LRRK1: variants seen among roughly 807,000 people sequenced by gnomAD.
The protein encoded by LRRK1 is leucine rich repeat kinase 1, also known as leucine-rich repeat serine/threonine-protein kinase 1.
A neutral mutation model predicts 209.1 loss-of-function variants in LRRK1; 113 were observed. The ratio of observed to expected loss-of-function variants is 0.54; its 90% CI spans 0.46 to 0.63. The LOEUF is 0.63. Among genes scored for constraint, LRRK1 ranks in the 30% least tolerant of loss-of-function variants. LRRK1 has a pLI of 0.00. For missense variants in LRRK1, 2,284 were observed against 2,632.2 expected (o/e 0.87, Z 2.89); for synonymous variants, 1,144 against 1,099.7 (o/e 1.04, Z -0.80).
chr15:101,025,577 G>A (rs1259283630), intron 16 of LRRK1, among the ~76,000 whole-genome samples: 2 of 152,350 alleles, frequency 1.3e-5, no homozygotes, highest in East Asian at 3.9e-4. Flanking sequence ...TTTAGTCATG[G>A]CAGAAGGGAA....
intron 31 of LRRK1, 48 bp downstream of exon 31, chr15:101,062,738 C>T (rs751811289): frequency 1.1e-5 from 15 of 1,362,990 alleles, no homozygotes; most frequent in South Asian, 1.0e-4. Context: ...TGCACTTCCA[C>T]GCCTAGGAGG....
intron 3 of LRRK1, among the ~76,000 whole-genome samples, chr15:100,975,733 C>T (rs1166548677): frequency 1.3e-5 from 2 of 152,072 alleles, no homozygotes; most frequent in Non-Finnish European, 2.9e-5. Flanking sequence ...TGACAAAGAG[C>T]TTTTACAAAT....
chr15:100,925,627 C>T (rs1459825281), intron 2 of LRRK1, among the ~76,000 whole-genome samples: 1 of 152,232 alleles, frequency 6.6e-6, no homozygotes, highest in African/African-American at 2.4e-5. Context: ...CTTGCACCAC[C>T]TTTAAGACCA....
intron 31 of LRRK1, among the ~76,000 whole-genome samples, chr15:101,063,439 C>A (rs754663224): frequency 6.6e-6 from 1 of 152,206 alleles, no homozygotes; most frequent in African/African-American, 2.4e-5. Flanking sequence ...TCTCAAGACC[C>A]GGGGCCTTGT....
intron 31 of LRRK1, among the ~76,000 whole-genome samples, chr15:101,063,205 C>A (rs1341745204): frequency 6.6e-6 from 1 of 152,228 alleles, no homozygotes; most frequent in East Asian, 1.9e-4. Context: ...CTAGCCCTGG[C>A]CTTTCTAAAT....
chr15:100,968,867 G>A (rs12915933), intron 2 of LRRK1, among the ~76,000 whole-genome samples: 95,911 of 148,314 alleles, frequency 0.65, 31,435 homozygotes, highest in South Asian at 0.72. Flanking sequence ...ACAGGGTCTT[G>A]TTCTGTCACC....
intron 6 of LRRK1, among the ~76,000 whole-genome samples, chr15:101,006,640 T>TATC (rs529728300): frequency 2.9e-5 from 3 of 102,440 alleles, no homozygotes; most frequent in African/African-American, 1.9e-4. Flanking sequence ...TGTAGAAAAA[T>TATC]ATTATTCTTC....
chr15:100,924,325 C>G (rs2042070150), intron 1 of LRRK1, among the ~76,000 whole-genome samples, 186 bp from the exon 2 acceptor site: 1 of 152,142 alleles, frequency 6.6e-6, no homozygotes, highest in Non-Finnish European at 1.5e-5. Flanking sequence ...TACCTGAGCC[C>G]CGCATCAAGA....
At position 101,075,828 on chromosome 15, in the gene LRRK1, C is replaced by A. The variant is rs562278173; in HGVS notation, c.*6980C>A. ...TACTATTCCTTTGCACCCTTCATCC[C>A]AGCCTCTCTTCACTTTCACTTGGAC... On this transcript the variant is annotated 3_prime_UTR_variant, in exon 34 of 34. Coordinates refer to ENST00000388948, the MANE Select transcript of LRRK1 (RefSeq NM_024652.6). 6.6e-6 allele frequency: 1 copy of A among 152,266 alleles called. No homozygotes were observed. Among genetic ancestry groups the A allele is most frequent in the Admixed American group, 6.5e-5 (1 of 15,306 alleles). 9.4% of individuals were successfully genotyped at this position (152,266 alleles called of 1,614,324 possible). A position where few individuals can be genotyped will look rare whatever the true frequency, so the allele number is the denominator to read the frequency against.
At chr15:100,985,525 G>T (rs1003246266) in intron 4 of LRRK1, among the ~76,000 whole-genome samples, 1 of 152,134 alleles carries the variant, frequency 6.6e-6, no homozygotes, top group East Asian at 1.9e-4. Flanking sequence ...GTATTTTTAC[G>T]CAGAGGTCTG....
chr15:100,935,165 G>T (rs1386673565), intron 2 of LRRK1, among the ~76,000 whole-genome samples: 1 of 152,206 alleles, frequency 6.6e-6, no homozygotes, highest in African/African-American at 2.4e-5. Flanking sequence ...GGGAAACACA[G>T]TAAATAAACC....
chr15:101,063,812 A>T (rs1354814459), intron 31 of LRRK1, among the ~76,000 whole-genome samples: 1 of 40,410 alleles, frequency 2.5e-5, no homozygotes, highest in Non-Finnish European at 5.3e-5. Context: ...GTTTCATTTA[A>T]AAAAAAAAAA....
chr15:100,936,202 A>G (rs1419365222), intron 2 of LRRK1, among the ~76,000 whole-genome samples: 1 of 152,216 alleles, frequency 6.6e-6, no homozygotes, highest in Non-Finnish European at 1.5e-5. Flanking sequence ...CATTTTTGCT[A>G]CAAAGAAAAT....
intron 4 of LRRK1, among the ~76,000 whole-genome samples, chr15:100,984,822 G>A (rs2031784690): frequency 1.3e-5 from 2 of 152,090 alleles, no homozygotes; most frequent in South Asian, 4.1e-4. Context: ...AGTCTAGGCA[G>A]GCATCGCTAC....
Position 101,068,730 on chromosome 15 carries a change from A to G in LRRK1, c.5930A>G (p.Glu1977Gly). 6.2e-7 allele frequency: 1 copy of G among 1,613,770 alleles called. No individual in the cohort carries two copies. Among genetic ancestry groups the G allele is most frequent in the Non-Finnish European group, 8.5e-7 (1 of 1,179,766 alleles). The change falls in exon 34 of 34, where the codon GAA becomes GGA. Residue 1977 changes from glutamate (E) to glycine (G), a missense_variant. Coordinates refer to ENST00000388948, the MANE Select transcript of LRRK1 (RefSeq NM_024652.6). ...KDTVVCTFEN[E>G]NTEWCLAVWR... ...ACTGTTGTGTGCACCTTTGAAAATG[A>G]AAACACAGAGTGGTGCCTGGCCGTC...
chr15:101,051,031 A>G (rs1292777523), intron 23 of LRRK1, among the ~76,000 whole-genome samples: 3 of 152,176 alleles, frequency 2.0e-5, no homozygotes, highest in Non-Finnish European at 4.4e-5. Context: ...GATCGCCTGG[A>G]GCCAGCATCC....
At chr15:100,998,435 C>A (rs1478867037) in intron 6 of LRRK1, among the ~76,000 whole-genome samples, 1 of 152,204 alleles carries the variant, frequency 6.6e-6, no homozygotes, top group Admixed American at 6.5e-5. Context: ...TGTCTCAGAG[C>A]TCCCTGTCAG....
chr15:100,933,182 C>T (rs1045291446), intron 2 of LRRK1, among the ~76,000 whole-genome samples: 3 of 152,212 alleles, frequency 2.0e-5, no homozygotes, highest in Non-Finnish European at 4.4e-5. Context: ...GCCTTTGGAA[C>T]CTTCTCCCTT....
rs1428157515 is a variant in LRRK1, at chr15:100,972,361, AGAGTGTGTGTGTGTGTGT to A, written c.98-1441_98-1424del. On this transcript the variant is annotated intron_variant, in intron 2 of 33. Transcript: ENST00000388948. ...GAGAGAGAGAGAGAGAGAGAGAGAG[AGAGTGTGTGTGTGTGTGT>A]GTGTGTGTGTGTGTGTGTGTGTGTT... Among the ~76,000 whole-genome samples the A allele has an allele frequency of 7.5e-3, 632 of 84,006 alleles. 7 individuals carry two copies. The highest frequency in any genetic ancestry group is 0.031 in the African/African-American group (567 of 18,004). The allele number at this position is 84,006 out of a possible 152,430, so 55.1% of individuals were successfully genotyped here. A position where few individuals can be genotyped will look rare whatever the true frequency, so the allele number is the denominator to read the frequency against.
Sources: gnomAD v4.1 joint callset for allele counts (sites outside exome capture counted in the v4.1 genomes callset) on GRCh38, gnomAD v4.1.1 for gene constraint, MANE v1.5 for transcripts, NCBI Gene and HGNC (gene_info 2026-07-23, HGNC 2026-07-21) for gene names.